RBPJ: variants seen among roughly 807,000 people sequenced by gnomAD.
RBPJ encodes the protein recombination signal binding protein for immunoglobulin kappa J region, also known as recombining binding protein suppressor of hairless.
In RBPJ, 9 loss-of-function variants were observed where a neutral mutation model predicts 67.8. The ratio of observed to expected loss-of-function variants is 0.13; its 90% CI spans 0.08 to 0.23. The LOEUF (loss-of-function observed/expected upper bound fraction) is 0.23. Among genes scored for constraint, RBPJ ranks in the 10% least tolerant of loss-of-function variants. The probability of loss-of-function intolerance (pLI) is 1.00; values close to 1 mark genes in which losing one functional copy is unlikely to be tolerated. For synonymous variants in RBPJ, 198 were observed against 203.3 expected (o/e 0.97, Z 0.22); for missense variants, 305 against 595.6 (o/e 0.51, Z 5.08).
chr4:26,346,979 G>A (rs981086831), intron 1 of RBPJ, among the ~76,000 whole-genome samples: 7 of 151,444 alleles, frequency 4.6e-5, no homozygotes, highest in Admixed American at 4.0e-4. Flanking sequence ...GTGACAGAGC[G>A]AGACTCCATC....
chr4:26,375,767 A>G (rs1729658469), intron 1 of RBPJ, among the ~76,000 whole-genome samples: 1 of 152,198 alleles, frequency 6.6e-6, no homozygotes, highest in East Asian at 1.9e-4. Context: ...CAAAGCAGGC[A>G]CGAAGCCCAT....
the RBPJ span, among the ~76,000 whole-genome samples, chr4:26,135,923 C>A: frequency 6.6e-6 from 1 of 152,110 alleles, no homozygotes; most frequent in African/African-American, 2.4e-5. Context: ...TAAAGACATA[C>A]CTGAGACTGT....
chr4:26,115,638 C>A, the RBPJ span, among the ~76,000 whole-genome samples: 1 of 152,312 alleles, frequency 6.6e-6, no homozygotes, highest in East Asian at 1.9e-4. Context: ...CCCGCCTCGG[C>A]CTCCCAAAGT....
intron 1 of RBPJ, among the ~76,000 whole-genome samples, chr4:26,235,383 G>T (rs1365553923): frequency 1.3e-5 from 2 of 152,046 alleles, no homozygotes. Context: ...TTGTTTTTTT[G>T]TGGATCTCTG....
chr4:26,366,821 C>A (rs1318602343), intron 1 of RBPJ, among the ~76,000 whole-genome samples: 3 of 151,816 alleles, frequency 2.0e-5, no homozygotes. Context: ...GAGACTCATG[C>A]AGTTTAAAAA....
chr4:26,109,460 CTATATATATA>C, the RBPJ span, among the ~76,000 whole-genome samples: 86 of 14,666 alleles, frequency 5.9e-3, 1 homozygote, highest in South Asian at 0.018. Context: ...CTCTCTCTCT[CTATATATATA>C]TATATATATA....
chr4:26,316,390 C>CAT (rs1011388148), upstream of RBPJ, among the ~76,000 whole-genome samples: 4 of 143,930 alleles, frequency 2.8e-5, no homozygotes, highest in South Asian at 2.2e-4. Flanking sequence ...TATATACATT[C>CAT]ATATATACAT....
At chr4:26,117,790 T>C in the RBPJ span, among the ~76,000 whole-genome samples, 1 of 152,050 alleles carries the variant, frequency 6.6e-6, no homozygotes, top group Non-Finnish European at 1.5e-5. Flanking sequence ...CATAAAACAC[T>C]CAGAAAGTGC....
At chr4:26,389,473 T>TA (rs1249284624) in intron 2 of RBPJ, among the ~76,000 whole-genome samples, 1 of 150,036 alleles carries the variant, frequency 6.7e-6, no homozygotes, top group Non-Finnish European at 1.5e-5. Context: ...ACCCAGTAGA[T>TA]ATATACCGTT....
At chr4:26,147,713 G>A in the RBPJ span, among the ~76,000 whole-genome samples, 1 of 152,262 alleles carries the variant, frequency 6.6e-6, no homozygotes, top group East Asian at 1.9e-4. Context: ...CCGCCTCCTG[G>A]GTTCAAGCCA....
At chr4:26,208,971 G>A (rs1050570222) in intron 1 of RBPJ, among the ~76,000 whole-genome samples, 1 of 151,974 alleles carries the variant, frequency 6.6e-6, no homozygotes, top group African/African-American at 2.4e-5. Flanking sequence ...AGTAGCTTCT[G>A]CAGAAGTATT....
chr4:26,212,960 C>T (rs561848605), intron 1 of RBPJ, among the ~76,000 whole-genome samples: 51 of 152,234 alleles, frequency 3.4e-4, no homozygotes, highest in Non-Finnish European at 6.3e-4. Context: ...ATACCAGGAG[C>T]GGGACACATC....
At chr4:26,368,006 A>G (rs533364778) in intron 1 of RBPJ, 1 of 152,254 alleles carries the variant, frequency 6.6e-6, no homozygotes, top group Non-Finnish European at 1.5e-5. Flanking sequence ...GATAATATGC[A>G]TAATTCATCT....
intron 1 of RBPJ, among the ~76,000 whole-genome samples, chr4:26,228,243 A>G (rs1719147291): frequency 6.6e-6 from 1 of 152,212 alleles, no homozygotes; most frequent in Non-Finnish European, 1.5e-5. Flanking sequence ...TGGTTTGGCT[A>G]CTTTATCCAT....
intron 1 of RBPJ, among the ~76,000 whole-genome samples, chr4:26,252,861 C>T (rs1431940338): frequency 1.3e-5 from 2 of 152,120 alleles, no homozygotes; most frequent in East Asian, 3.9e-4. Flanking sequence ...ATAAATGATT[C>T]ATAAAAATGG....
intron 1 of RBPJ, among the ~76,000 whole-genome samples, chr4:26,273,505 TCTA>T (rs1720979317): frequency 6.6e-6 from 1 of 152,166 alleles, no homozygotes; most frequent in Non-Finnish European, 1.5e-5. Context: ...TCTTTCCAGC[TCTA>T]GCTGCCTGGA....
intron 3 of RBPJ, 89 bp downstream of exon 3, chr4:26,406,359 C>A: frequency 1.2e-6 from 1 of 807,960 alleles, no homozygotes; most frequent in Admixed American, 2.0e-5. Flanking sequence ...AGGATGGCTT[C>A]TATTACTGGG....
chr4:26,211,924 C>T (rs555740788), intron 1 of RBPJ, among the ~76,000 whole-genome samples: 3 of 152,188 alleles, frequency 2.0e-5, no homozygotes, highest in South Asian at 2.1e-4. Flanking sequence ...GGACACAGAG[C>T]GAAGTCCACC....
At chr4:26,143,287 C>T in the RBPJ span, among the ~76,000 whole-genome samples, 7 of 152,208 alleles carry the variant, frequency 4.6e-5, no homozygotes, top group Admixed American at 2.6e-4. Flanking sequence ...TACACCTCAT[C>T]CCTCTTTCAA....
Sources: gnomAD v4.1 joint callset for allele counts (sites outside exome capture counted in the v4.1 genomes callset) on GRCh38, gnomAD v4.1.1 for gene constraint, MANE v1.5 for transcripts, NCBI Gene and HGNC (gene_info 2026-07-23, HGNC 2026-07-21) for gene names.